SIL1: variants seen among roughly 807,000 people sequenced by gnomAD.
SIL1 encodes SIL1 nucleotide exchange factor.
A neutral mutation model predicts 49.1 loss-of-function variants in SIL1; 40 were observed. The ratio of observed to expected loss-of-function variants is 0.81; its 90% CI spans 0.63 to 1.06. The LOEUF is 1.06. Ranked by LOEUF, SIL1 falls within the 50% of genes least tolerant of loss-of-function variation. The pLI is 0.00. For missense variants in SIL1, 500 were observed against 572.6 expected (o/e 0.87, Z 1.29); for synonymous variants, 253 against 250.8 (o/e 1.01, Z -0.08).
chr5:139,123,009 G>A (rs925833706), intron 2 of SIL1, among the ~76,000 whole-genome samples: 6 of 151,008 alleles, frequency 4.0e-5, no homozygotes, highest in Admixed American at 6.6e-5. Flanking sequence ...ACAACATCTA[G>A]CTCATAGTTA....
chr5:139,100,857 C>G (rs1376945845), intron 3 of SIL1, among the ~76,000 whole-genome samples: 1 of 151,920 alleles, frequency 6.6e-6, no homozygotes, highest in South Asian at 2.1e-4. Flanking sequence ...ATTTAAGATG[C>G]CTATCCAAGT....
At chr5:139,054,618 C>G (rs2150457443) in intron 3 of SIL1, among the ~76,000 whole-genome samples, 1 of 152,154 alleles carries the variant, frequency 6.6e-6, no homozygotes, top group Non-Finnish European at 1.5e-5. Context: ...TTAAAATTTT[C>G]AAACTTTTGA....
intron 7 of SIL1, among the ~76,000 whole-genome samples, chr5:138,986,603 C>G (rs939884479): frequency 6.6e-6 from 1 of 152,300 alleles, no homozygotes; most frequent in South Asian, 2.1e-4. Context: ...ACTGATTGGG[C>G]AGAATCAGCT....
chr5:139,058,678 G>C (rs540137871), intron 3 of SIL1, among the ~76,000 whole-genome samples: 3 of 152,102 alleles, frequency 2.0e-5, no homozygotes, highest in African/African-American at 7.2e-5. Context: ...CTTCAGGTTG[G>C]CTCTTACATT....
intron 7 of SIL1, among the ~76,000 whole-genome samples, chr5:139,016,075 G>A (rs759783690): frequency 6.6e-6 from 1 of 152,008 alleles, no homozygotes; most frequent in Non-Finnish European, 1.5e-5. Context: ...TCCAGCCTGG[G>A]CAACACAGTG....
At chr5:139,026,239 T>C (rs1037999463) in intron 6 of SIL1, among the ~76,000 whole-genome samples, 5 of 152,172 alleles carry the variant, frequency 3.3e-5, no homozygotes, top group Non-Finnish European at 7.4e-5. Context: ...GCTGCATAAC[T>C]AGGACTATGT....
At chr5:139,039,971 GA>G (rs1219561782) in intron 5 of SIL1, among the ~76,000 whole-genome samples, 1 of 152,102 alleles carries the variant, frequency 6.6e-6, no homozygotes, top group East Asian at 1.9e-4. Flanking sequence ...CCAAGCTACC[GA>G]TGGATACAAT....
At chr5:139,184,898 C>A (rs1752051757) in intron 1 of SIL1, among the ~76,000 whole-genome samples, 1 of 152,120 alleles carries the variant, frequency 6.6e-6, no homozygotes, top group Non-Finnish European at 1.5e-5. Flanking sequence ...ACAGAGAAAT[C>A]CATATGTCAG....
Position 139,063,280 on chromosome 5 carries a change from TACTC to T in SIL1, c.245-12238_245-12235del, listed in dbSNP as rs548088328. On this transcript the variant is annotated intron_variant, in intron 3 of 9. Coordinates refer to ENST00000394817, the MANE Select transcript of SIL1 (RefSeq NM_022464.5). ...CATCAGACCTTTAAGCATGTGCAGT[TACTC>T]ACTCCTTCCACCAGCCTAGGGGGCC... Among the ~76,000 whole-genome samples the T allele has an allele frequency of 2.4e-3, 358 of 152,318 alleles. 1 individual carries two copies. Among genetic ancestry groups the T allele is most frequent in the African/African-American group, 8.1e-3 (336 of 41,568 alleles).
At chr5:139,085,379 G>A (rs1379923634) in intron 3 of SIL1, among the ~76,000 whole-genome samples, 1 of 152,164 alleles carries the variant, frequency 6.6e-6, no homozygotes, top group Non-Finnish European at 1.5e-5. Context: ...GAAAAATCTT[G>A]TGACAATAAG....
intron 3 of SIL1, among the ~76,000 whole-genome samples, chr5:139,109,255 C>T (rs1266464630): frequency 1.3e-5 from 2 of 152,150 alleles, no homozygotes; most frequent in African/African-American, 4.8e-5. Context: ...GGAACAATTC[C>T]TCCAGCCTCT....
intron 3 of SIL1, among the ~76,000 whole-genome samples, chr5:139,065,044 G>A (rs1769674913): frequency 6.6e-6 from 1 of 152,232 alleles, no homozygotes; most frequent in Non-Finnish European, 1.5e-5. Flanking sequence ...CTCAAACTGA[G>A]TGTTAATCGG....
chr5:139,073,791 T>G (rs926662075), intron 3 of SIL1, among the ~76,000 whole-genome samples: 1 of 151,824 alleles, frequency 6.6e-6, no homozygotes, highest in Non-Finnish European at 1.5e-5. Context: ...CCAGGCTTGG[T>G]GGTGGGCACC....
At chr5:139,148,799 C>CT (rs1200167198) in intron 1 of SIL1, among the ~76,000 whole-genome samples, 1 of 152,210 alleles carries the variant, frequency 6.6e-6, no homozygotes, top group Middle Eastern at 3.2e-3. Context: ...GTAAGTCTTA[C>CT]TTTTTTGTCT....
intron 1 of SIL1, among the ~76,000 whole-genome samples, chr5:139,143,306 TAC>T (rs752710937): frequency 0.062 from 7,694 of 123,354 alleles, 307 homozygotes; most frequent in Non-Finnish European, 0.081. Flanking sequence ...TATACATATA[TAC>T]ACACACACAC....
chr5:138,993,210 T>C (rs1767794079), intron 7 of SIL1, among the ~76,000 whole-genome samples: 1 of 152,178 alleles, frequency 6.6e-6, no homozygotes, highest in African/African-American at 2.4e-5. Context: ...TCCTCTTCTA[T>C]GTCGCTCCTT....
intron 6 of SIL1, chr5:139,021,798 G>A (rs761434083): frequency 1.8e-5 from 3 of 170,532 alleles, no homozygotes; most frequent in South Asian, 1.3e-4. Flanking sequence ...GGGGAGGGGG[G>A]AATAACAATA....
At chr5:139,094,284 G>A (rs1485990305) in intron 3 of SIL1, among the ~76,000 whole-genome samples, 2 of 152,190 alleles carry the variant, frequency 1.3e-5, no homozygotes, top group Non-Finnish European at 2.9e-5. Flanking sequence ...TGATACAACA[G>A]AATTCATTCT....
chr5:138,975,296 T>C (rs1767371211), intron 7 of SIL1, among the ~76,000 whole-genome samples: 1 of 152,088 alleles, frequency 6.6e-6, no homozygotes, highest in African/African-American at 2.4e-5. Context: ...CCTTCTCTCA[T>C]GATCAAAGAC....
Sources: allele counts gnomAD v4.1 joint callset (sites outside exome capture counted in the v4.1 genomes callset), GRCh38; gene constraint gnomAD v4.1.1; transcripts MANE v1.5; gene names NCBI Gene and HGNC (gene_info 2026-07-23, HGNC 2026-07-21).